Variants in AFF3 observed in about 807,000 individuals in gnomAD.
AFF3 encodes the protein ALF transcription elongation factor 3.
Under a neutral mutation model 129.7 loss-of-function variants are expected in AFF3, and 32 were observed. That is an observed-to-expected ratio of 0.25 (90% CI 0.19 to 0.33). The LOEUF (loss-of-function observed/expected upper bound fraction) is 0.33, where lower values mean the gene tolerates loss of function less well. Among genes scored for constraint, AFF3 ranks in the 10% least tolerant of loss-of-function variants. AFF3 has a pLI of 1.00. For missense variants in AFF3, 1,373 were observed against 1,592.0 expected (o/e 0.86, Z 2.34); for synonymous variants, 644 against 635.4 (o/e 1.01, Z -0.20).
chr2:99,684,747 G>A (rs1398840729), intron 11 of AFF3, among the ~76,000 whole-genome samples: 4 of 151,642 alleles, frequency 2.6e-5, no homozygotes, highest in East Asian at 1.9e-4. Context: ...AAAGTGCTGC[G>A]ATTACAGGCC....
At chr2:99,684,879 T>C (rs925250366) in intron 11 of AFF3, among the ~76,000 whole-genome samples, 19 of 152,200 alleles carry the variant, frequency 1.2e-4, no homozygotes, top group African/African-American at 4.3e-4. Flanking sequence ...GGTTTGAATA[T>C]AGAAATCAAA....
chr2:100,024,133 G>A (rs552978114), intron 4 of AFF3, among the ~76,000 whole-genome samples: 1,951 of 149,990 alleles, frequency 0.013, 48 homozygotes, highest in African/African-American at 0.045. Context: ...TCGGGAGGCT[G>A]AGGCAGGAGA....
At chr2:99,631,476 A>T (rs958868705) in intron 13 of AFF3, among the ~76,000 whole-genome samples, 25 of 152,302 alleles carry the variant, frequency 1.6e-4, no homozygotes, top group Middle Eastern at 3.4e-3. Flanking sequence ...TCCCAAACTG[A>T]AACTCAATAC....
chr2:99,594,351 C>A (rs557641378), intron 14 of AFF3, 62 bp from the exon 15 acceptor site: 18 of 1,532,942 alleles, frequency 1.2e-5, no homozygotes, highest in Middle Eastern at 1.8e-4. Flanking sequence ...TTAAAAGGGG[C>A]CTGGCTGTTT....
At chr2:99,751,318 C>A (rs569170476) in intron 9 of AFF3, among the ~76,000 whole-genome samples, 2 of 152,300 alleles carry the variant, frequency 1.3e-5, no homozygotes, top group East Asian at 3.9e-4. Context: ...GTCTTCAACT[C>A]TTGACCTCAA....
intron 2 of AFF3, among the ~76,000 whole-genome samples, chr2:100,119,813 A>C (rs1691878991): frequency 6.6e-6 from 1 of 152,234 alleles, no homozygotes; most frequent in Admixed American, 6.5e-5. Context: ...CACATAGAAT[A>C]CTTGCCTGAG....
In AFF3 at chr2:99,947,653, T is replaced by TAGACAGACAGAC. The variant is rs869305084; in HGVS notation, c.873+58967_873+58978dup. Among the ~76,000 whole-genome samples the TAGACAGACAGAC allele has an allele frequency of 4.9e-5, 6 of 123,282 alleles. No individual in the cohort carries two copies. The East Asian group carries it at 7.1e-4, about 15-fold the overall frequency. The allele number at this position is 123,282 out of a possible 152,430, so 80.9% of individuals were successfully genotyped here. On this transcript the variant is annotated intron_variant, in intron 7 of 24. Transcript: ENST00000672756. ...ATAGATAGATAGATAGATAGATAGA[T>TAGACAGACAGAC]AGACAGACAGACAGACAGATAGATC...
chr2:100,009,470 C>T (rs1682306968), intron 4 of AFF3, among the ~76,000 whole-genome samples: 1 of 152,114 alleles, frequency 6.6e-6, no homozygotes, highest in East Asian at 1.9e-4. Context: ...TCAGTCAAGT[C>T]GTCAAACGAC....
intron 14 of AFF3, among the ~76,000 whole-genome samples, chr2:99,599,055 A>G (rs1383672190): frequency 1.3e-5 from 2 of 152,188 alleles, no homozygotes; most frequent in Non-Finnish European, 2.9e-5. Context: ...AAAACCACAC[A>G]TAGCATCAGG....
intron 7 of AFF3, among the ~76,000 whole-genome samples, chr2:99,886,256 G>T (rs1693103538): frequency 2.0e-5 from 3 of 152,106 alleles, no homozygotes; most frequent in Admixed American, 2.0e-4. Context: ...TGATCACCAT[G>T]TTCCATGCAC....
At chr2:100,039,688 C>T (rs1454575911) in intron 4 of AFF3, among the ~76,000 whole-genome samples, 1 of 152,152 alleles carries the variant, frequency 6.6e-6, no homozygotes, top group Non-Finnish European at 1.5e-5. Context: ...GGTCATGTTC[C>T]TTTACATCCA....
At chr2:99,880,221 T>C (rs1692608719) in intron 7 of AFF3, among the ~76,000 whole-genome samples, 1 of 151,968 alleles carries the variant, frequency 6.6e-6, no homozygotes, top group South Asian at 2.1e-4. Flanking sequence ...GGAACGGGAG[T>C]GAAATGACAA....
chr2:100,016,161 G>A (rs961834862), intron 4 of AFF3, among the ~76,000 whole-genome samples: 1 of 151,582 alleles, frequency 6.6e-6, no homozygotes, highest in Non-Finnish European at 1.5e-5. Context: ...TAGAGGTGCT[G>A]GTGGTGGTGG....
At chr2:99,783,824 C>T (rs1684583508) in intron 8 of AFF3, among the ~76,000 whole-genome samples, 1 of 152,138 alleles carries the variant, frequency 6.6e-6, no homozygotes. Context: ...CATGACAGGG[C>T]CCCCCTGGAA....
chr2:99,601,701 T>C, intron 13 of AFF3, 80 bp from the exon 14 acceptor site: 2 of 1,505,994 alleles, frequency 1.3e-6, no homozygotes, highest in South Asian at 1.3e-5. Flanking sequence ...CAAGCTGTCA[T>C]GCACCCTAAA....
At chr2:99,772,410 A>G (rs2105332026) in intron 8 of AFF3, among the ~76,000 whole-genome samples, 1 of 152,328 alleles carries the variant, frequency 6.6e-6, no homozygotes, top group Non-Finnish European at 1.5e-5. Context: ...CAATGTACAC[A>G]CAAATACATG....
chr2:100,098,345 C>T (rs969321290), intron 4 of AFF3, among the ~76,000 whole-genome samples: 4 of 152,036 alleles, frequency 2.6e-5, no homozygotes, highest in Admixed American at 2.6e-4. Context: ...TATGGGGCCT[C>T]GATTTTGCCA....
chr2:99,828,400 G>T (rs1015945502), intron 8 of AFF3, among the ~76,000 whole-genome samples: 4 of 152,194 alleles, frequency 2.6e-5, no homozygotes, highest in African/African-American at 9.7e-5. Flanking sequence ...CTGCCTGGAG[G>T]GGTCCGCGAT....
chr2:99,593,889 G>A lies in AFF3; in HGVS notation c.1772C>T (p.Thr591Ile). The A allele has an allele frequency of 1.3e-6, 2 of 1,501,420 alleles. No homozygotes were observed. Among genetic ancestry groups the A allele is most frequent in the Non-Finnish European group, 1.8e-6 (2 of 1,132,944 alleles). 93.0% of individuals were successfully genotyped at this position (1,501,420 alleles called of 1,614,324 possible). ...GCCGTCCCCGGCTGAGGTCCTCTCG[G>A]TGCGCCTGGTGGGCTTCTTGCCCGC... The part of the protein sequence containing the change: ...RSAGKKPTRR[T>I]ERTSAGDGAN... Residue 591 changes from threonine (T) to isoleucine (I), a missense_variant, in exon 15 of 25, where the codon ACC (threonine) becomes ATC (isoleucine). Thr to Ile is a moderately conservative substitution (Grantham distance 89, BLOSUM62 -1). Transcript: ENST00000672756.
Sources: gnomAD v4.1 joint callset for allele counts (sites outside exome capture counted in the v4.1 genomes callset) on GRCh38, gnomAD v4.1.1 for gene constraint, MANE v1.5 for transcripts, NCBI Gene and HGNC (gene_info 2026-07-23, HGNC 2026-07-21) for gene names.